Variants in ACOT7 observed in about 807,000 individuals in gnomAD.
ACOT7 encodes the protein acyl-CoA thioesterase 7, also known as cytosolic acyl coenzyme A thioester hydrolase.
ACOT7 carries 12 observed loss-of-function variants against 40.2 expected under a neutral mutation model. The observed-to-expected ratio is 0.30, with a 90% confidence interval of 0.19 to 0.48. ACOT7 has a LOEUF of 0.48. ACOT7 is among the 20% of genes least tolerant of loss of function. The pLI is 0.99. For missense variants in ACOT7, 395 were observed against 530.8 expected (o/e 0.74, Z 2.51); for synonymous variants, 228 against 219.5 (o/e 1.04, Z -0.34).
intron 1 of ACOT7, among the ~76,000 whole-genome samples, chr1:6,351,234 A>G (rs1641582453): frequency 6.6e-6 from 1 of 152,208 alleles, no homozygotes; most frequent in African/African-American, 2.4e-5. Flanking sequence ...CACTTAGGCC[A>G]ACTGGCTTCT....
At chr1:6,354,068 G>A (rs929178001) in intron 1 of ACOT7, among the ~76,000 whole-genome samples, 2 of 152,184 alleles carry the variant, frequency 1.3e-5, no homozygotes, top group African/African-American at 4.8e-5. Flanking sequence ...TCAGAACCAT[G>A]TCTGTCCAGT....
In ACOT7 at chr1:6,359,503, C is replaced by G. The variant is rs908600875; in HGVS notation, c.144-9637G>C. On this transcript the variant is annotated intron_variant, in intron 1 of 8. Transcript: ENST00000361521. This position sits in a 1 kb window ranked among gnomAD's most constrained non-coding sequence, Gnocchi z 4.1. The stretch of plus-strand genomic sequence containing the variant: ...AACCCCTGCTTCAGAGGATGCCATG[C>G]CTGTCTTGGGGCTCAGCAACTCCAC... Among the ~76,000 whole-genome samples, 1 of 151,818 alleles carries G rather than the reference C, an allele frequency of 6.6e-6. No homozygotes were observed. The highest frequency in any genetic ancestry group is 2.4e-5 in the African/African-American group (1 of 41,340).
chr1:6,274,902 C>T lies in ACOT7; in HGVS notation c.1014+6200G>A, dbSNP rs865800441. On this transcript the variant is annotated intron_variant, in intron 8 of 8. Transcript: ENST00000361521. The surrounding 1 kb of genome is among the most constrained non-coding windows in gnomAD (Gnocchi z 5.9). Reference sequence around the variant, plus strand: ...ACAGAAGGGTTCTCAGGCAGGGCTCCTCCCAGGACCCCACAGTAGGGCCTG... The same window carrying T: ...ACAGAAGGGTTCTCAGGCAGGGCTCTTCCCAGGACCCCACAGTAGGGCCTG... Among the ~76,000 whole-genome samples the T allele has an allele frequency of 4.6e-5, 7 of 152,302 alleles. No homozygotes were observed. Among genetic ancestry groups the T allele is most frequent in the Middle Eastern group, 3.4e-3 (1 of 294 alleles).
intron 1 of ACOT7, among the ~76,000 whole-genome samples, chr1:6,379,174 G>A (rs894292518): frequency 2.0e-5 from 3 of 151,954 alleles, no homozygotes; most frequent in East Asian, 1.9e-4. Context: ...GATTACAGGC[G>A]TGAGCCACTG....
At chr1:6,302,413 C>A (rs574415889) in intron 6 of ACOT7, among the ~76,000 whole-genome samples, 1 of 152,184 alleles carries the variant, frequency 6.6e-6, no homozygotes, top group African/African-American at 2.4e-5. Context: ...TTTGGCCTTG[C>A]GACAGCGAAG....
Position 6,328,014 on chromosome 1 carries a change from T to C in ACOT7, c.511-601A>G, listed in dbSNP as rs1009829019. Among the ~76,000 whole-genome samples, 6 of 152,182 alleles carry C rather than the reference T, an allele frequency of 3.9e-5. No individual in the cohort carries two copies. The East Asian group carries it at 1.2e-3, about 30-fold the overall frequency. ...ATCTTGATCTCTTGACCTTGCGATC[T>C]GCCCGCCTCAGCCTCCCAAAGTGCT... On this transcript the variant is annotated intron_variant, in intron 4 of 8. Transcript: ENST00000361521.
intron 2 of ACOT7, among the ~76,000 whole-genome samples, chr1:6,345,576 CT>C (rs1451362854): frequency 1.3e-5 from 2 of 152,254 alleles, no homozygotes; most frequent in Admixed American, 6.5e-5. Flanking sequence ...GGATAGCTGT[CT>C]CTCTCTGACA....
chr1:6,327,488 G>C, intron 4 of ACOT7, 75 bp from the exon 5 acceptor site: 4 of 1,336,210 alleles, frequency 3.0e-6, no homozygotes, highest in Non-Finnish European at 4.2e-6. Flanking sequence ...CATGATCCCA[G>C]GCCCTTATAG....
At chr1:6,351,587 G>A (rs917412755) in intron 1 of ACOT7, among the ~76,000 whole-genome samples, 2 of 152,232 alleles carry the variant, frequency 1.3e-5, no homozygotes, top group South Asian at 2.1e-4. Context: ...GGCCTGTCCT[G>A]GGGGCACTAG....
chr1:6,272,846 G>A (rs1639075443), intron 8 of ACOT7, among the ~76,000 whole-genome samples: 1 of 152,176 alleles, frequency 6.6e-6, no homozygotes, highest in South Asian at 2.1e-4. Flanking sequence ...GGTCTAGCCG[G>A]GATGCTCCCT....
chr1:6,295,561 T>C (rs59240940), intron 6 of ACOT7: 12,003 of 152,308 alleles, frequency 0.079, 1,420 homozygotes, highest in African/African-American at 0.26. Context: ...CAAAGGTCCA[T>C]ACATGATGAA....
chr1:6,357,287 CA>C (rs1641772260), intron 1 of ACOT7, among the ~76,000 whole-genome samples: 1 of 152,168 alleles, frequency 6.6e-6, no homozygotes, highest in African/African-American at 2.4e-5. Context: ...ACGTGAAACC[CA>C]GGGTAACCAG....
At chr1:6,317,830 C>G (rs1239291393) in intron 6 of ACOT7, among the ~76,000 whole-genome samples, 1 of 150,222 alleles carries the variant, frequency 6.7e-6, no homozygotes, top group Non-Finnish European at 1.5e-5. Context: ...CTCCCAGGTT[C>G]AAGTGATTCT....
intron 8 of ACOT7, among the ~76,000 whole-genome samples, chr1:6,269,900 G>A (rs185182577): frequency 3.2e-4 from 49 of 152,358 alleles, no homozygotes; most frequent in Non-Finnish European, 5.0e-4. Context: ...AGGTGCGGGC[G>A]GCCTTCCTCC....
At chr1:6,269,812 T>C (rs1638972922) in intron 8 of ACOT7, among the ~76,000 whole-genome samples, 1 of 152,262 alleles carries the variant, frequency 6.6e-6, no homozygotes, top group Non-Finnish European at 1.5e-5. Context: ...TGTTCCAGGC[T>C]CTGAGACAGA....
intron 6 of ACOT7, among the ~76,000 whole-genome samples, chr1:6,308,824 T>TGGGCGGAGGGAAAAGCGACC (rs1557643786): frequency 6.6e-5 from 10 of 151,952 alleles, no homozygotes; most frequent in South Asian, 2.1e-4. Flanking sequence ...GAAAAGCGAC[T>TGGGCGGAGGGAAAAGCGACC]GGGCGGAGGG....
chr1:6,350,015 G>A (rs1000186220), intron 1 of ACOT7, 149 bp from the exon 2 acceptor site: 50 of 775,598 alleles, frequency 6.4e-5, no homozygotes, highest in Middle Eastern at 2.6e-4. Flanking sequence ...TTCCTAGGTG[G>A]TGTGTTCGTC....
intron 1 of ACOT7, among the ~76,000 whole-genome samples, chr1:6,369,418 T>TTTG (rs1249258558): frequency 9.6e-5 from 14 of 145,156 alleles, no homozygotes; most frequent in Non-Finnish European, 1.1e-4. Flanking sequence ...TTTTTTTTTT[T>TTTG]TTTGTAGAGA....
intron 6 of ACOT7, among the ~76,000 whole-genome samples, chr1:6,312,016 C>T (rs754595477): frequency 2.0e-5 from 3 of 152,122 alleles, no homozygotes; most frequent in Non-Finnish European, 4.4e-5. Flanking sequence ...TCAGGGGAGG[C>T]GCCAACATCA....
Sources: gnomAD v4.1 joint callset for allele counts (sites outside exome capture counted in the v4.1 genomes callset) on GRCh38, gnomAD v4.1.1 for gene constraint, Gnocchi (gnomAD v3.1) non-coding constraint, MANE v1.5 for transcripts, NCBI Gene and HGNC (gene_info 2026-07-23, HGNC 2026-07-21) for gene names.